The following RAD54B variants were observed in gnomAD, a reference collection of about 807,000 sequenced individuals.
RAD54B encodes DNA repair and recombination protein RAD54B.
RAD54B carries 78 observed loss-of-function variants against 95.8 expected under a neutral mutation model. The observed-to-expected ratio is 0.81, with a 90% CI of 0.68 to 0.98. The LOEUF (loss-of-function observed/expected upper bound fraction) is 0.98. Ranked by LOEUF, RAD54B falls within the 50% of genes least tolerant of loss-of-function variation. The pLI is 0.00. For synonymous variants in RAD54B, 328 were observed against 354.9 expected, an observed-to-expected ratio of 0.92 and a Z score of 0.85; for missense variants, 957 against 1,056.6, an observed-to-expected ratio of 0.91 and a Z score of 1.31.
At chr8:94,434,978 A>G (rs1812216900) in intron 3 of RAD54B, among the ~76,000 whole-genome samples, 1 of 151,720 alleles carries the variant, frequency 6.6e-6, no homozygotes, top group South Asian at 2.1e-4. Flanking sequence ...TTTTTCTTCT[A>G]CTCACTGTTA....
chr8:94,410,758 A>G (rs1189321077), intron 4 of RAD54B, among the ~76,000 whole-genome samples: 5 of 152,174 alleles, frequency 3.3e-5, no homozygotes, highest in African/African-American at 1.2e-4. Context: ...TGATATCAAC[A>G]TATTTTTCAA....
chr8:94,470,754 T>C (rs1222500867), intron 1 of RAD54B, among the ~76,000 whole-genome samples: 1 of 142,798 alleles, frequency 7.0e-6, no homozygotes, highest in Admixed American at 7.4e-5. Context: ...CAACACTCTG[T>C]CTCAAAGAAA....
chr8:94,434,008 C>A (rs1174412501), intron 3 of RAD54B, among the ~76,000 whole-genome samples: 1 of 151,624 alleles, frequency 6.6e-6, no homozygotes, highest in Non-Finnish European at 1.5e-5. Flanking sequence ...AATAAAAAAT[C>A]TATTTGTAGG....
At chr8:94,446,098 T>C (rs1387971763) in intron 3 of RAD54B, among the ~76,000 whole-genome samples, 1 of 152,136 alleles carries the variant, frequency 6.6e-6, no homozygotes, top group Non-Finnish European at 1.5e-5. Flanking sequence ...TAGCAAGTAG[T>C]GTATTTTAAA....
intron 3 of RAD54B, among the ~76,000 whole-genome samples, chr8:94,419,305 C>G (rs1345565311): frequency 1.3e-5 from 2 of 152,088 alleles, no homozygotes; most frequent in Admixed American, 1.3e-4. Context: ...GTCAGCAGTT[C>G]GAGACCAGCC....
At chr8:94,467,687 TAGAAAC>T in intron 1 of RAD54B, 132 bp from the exon 2 acceptor site, 3 of 882,020 alleles carry the variant, frequency 3.4e-6, no homozygotes, top group Non-Finnish European at 4.9e-6. Context: ...CCCCCAAGCA[TAGAAAC>T]AAAAGGAAAA....
At chr8:94,375,953 G>A (rs1476412990) in intron 14 of RAD54B, among the ~76,000 whole-genome samples, 1 of 152,004 alleles carries the variant, frequency 6.6e-6, no homozygotes. Flanking sequence ...AGGAGGAAGA[G>A]TTTTCACCAT....
intron 8 of RAD54B, among the ~76,000 whole-genome samples, chr8:94,397,222 A>C (rs550598871): frequency 6.6e-6 from 1 of 152,204 alleles, no homozygotes; most frequent in Non-Finnish European, 1.5e-5. Flanking sequence ...TATCATGTAT[A>C]TATCACTGTA....
At chr8:94,386,033 G>C (rs1354137377) in intron 11 of RAD54B, among the ~76,000 whole-genome samples, 2 of 152,162 alleles carry the variant, frequency 1.3e-5, no homozygotes, top group Non-Finnish European at 2.9e-5. Flanking sequence ...AAGAAAAGGA[G>C]TGACAAGTTC....
intron 3 of RAD54B, among the ~76,000 whole-genome samples, chr8:94,419,648 T>C (rs1193692496): frequency 6.6e-6 from 1 of 151,868 alleles, no homozygotes; most frequent in Non-Finnish European, 1.5e-5. Flanking sequence ...TAATATTTTC[T>C]TTAATAGGAG....
chr8:94,378,680 G>T, intron 12 of RAD54B, 46 bp from the exon 13 acceptor site: 1 of 1,319,154 alleles, frequency 7.6e-7, no homozygotes, highest in Non-Finnish European at 1.1e-6. Flanking sequence ...AGAAACTAAT[G>T]GCCCCTTCCA....
intron 2 of RAD54B, among the ~76,000 whole-genome samples, chr8:94,459,338 G>T (rs986621658): frequency 3.3e-5 from 5 of 151,590 alleles, no homozygotes; most frequent in African/African-American, 9.7e-5. Flanking sequence ...TTTCTGTAGA[G>T]ATGGGGTCTC....
intron 3 of RAD54B, among the ~76,000 whole-genome samples, chr8:94,426,112 C>T (rs1306361077): frequency 2.6e-5 from 4 of 152,010 alleles, no homozygotes; most frequent in Non-Finnish European, 5.9e-5. Context: ...GCCACCACGC[C>T]CAGCTGATTT....
At chr8:94,406,695 T>C (rs1158829656) in intron 5 of RAD54B, among the ~76,000 whole-genome samples, 2 of 152,200 alleles carry the variant, frequency 1.3e-5, no homozygotes, top group Non-Finnish European at 2.9e-5. Flanking sequence ...AAAATAATCA[T>C]TACTTTATAT....
chr8:94,400,530 A>C (rs1819089136), intron 6 of RAD54B, 67 bp from the exon 7 acceptor site: 2 of 1,302,028 alleles, frequency 1.5e-6, no homozygotes, highest in Admixed American at 2.5e-5. Flanking sequence ...AAAATCATCA[A>C]GAACCAGAAA....
At chr8:94,467,053 C>A (rs779847323) in intron 2 of RAD54B, among the ~76,000 whole-genome samples, 2 of 152,096 alleles carry the variant, frequency 1.3e-5, no homozygotes, top group Non-Finnish European at 2.9e-5. Flanking sequence ...CTCAGCCTCC[C>A]GAGTAGCTGA....
At chr8:94,439,816 C>T (rs537056162) in intron 3 of RAD54B, among the ~76,000 whole-genome samples, 1 of 152,190 alleles carries the variant, frequency 6.6e-6, no homozygotes, top group African/African-American at 2.4e-5. Flanking sequence ...TTGTAGGCAC[C>T]AAGTTTTATT....
intron 3 of RAD54B, among the ~76,000 whole-genome samples, chr8:94,418,572 C>T (rs936637151): frequency 1.3e-5 from 2 of 152,154 alleles, no homozygotes; most frequent in South Asian, 2.1e-4. Context: ...GATATAGAAT[C>T]GTTCCATCAT....
Position 94,467,548 on chromosome 8 carries a change from G to T in RAD54B, c.-9C>A, listed in dbSNP as rs763542514. On this transcript the variant is annotated 5_prime_UTR_variant, in exon 2 of 15. It adds an upstream start codon to the 5' untranslated region. Transcript: ENST00000336148. ...GCTGCAGATCGTCTCATATTCAGCA[G>T]TCGTGACCTGAAAAATACCCAAAAC... 1.9e-6 allele frequency: 3 copies of T among 1,604,530 alleles called. No homozygotes were observed. The highest frequency in any genetic ancestry group is 2.5e-6 in the Non-Finnish European group (3 of 1,177,882).
Sources: allele counts gnomAD v4.1 joint callset (sites outside exome capture counted in the v4.1 genomes callset), GRCh38; gene constraint gnomAD v4.1.1; transcripts MANE v1.5; gene names NCBI Gene and HGNC (gene_info 2026-07-23, HGNC 2026-07-21).